The following MUSK variants were observed in gnomAD, a reference collection of about 807,000 sequenced individuals.
MUSK encodes the protein muscle, skeletal receptor tyrosine-protein kinase.
MUSK carries 55 observed loss-of-function variants against 88.7 expected under a neutral mutation model. That is an observed-to-expected ratio of 0.62 (90% CI 0.50 to 0.78). MUSK has a LOEUF of 0.78. Among genes scored for constraint, MUSK ranks in the 30% least tolerant of loss-of-function variants. The pLI, the probability that MUSK is intolerant of heterozygous loss-of-function variation, is 0.00. For missense variants in MUSK, 1,015 were observed against 1,074.3 expected (o/e 0.94, Z 0.77); for synonymous variants, 387 against 391.9 (o/e 0.99, Z 0.15).
intron 5 of MUSK, among the ~76,000 whole-genome samples, chr9:110,713,830 G>T (rs1452711779): frequency 1.3e-5 from 2 of 152,142 alleles, no homozygotes; most frequent in African/African-American, 4.8e-5. Flanking sequence ...TTTAACGCAT[G>T]TCAGAGTGCA....
At chr9:110,679,816 C>CTTG (rs10682592) in intron 1 of MUSK, among the ~76,000 whole-genome samples, 105,755 of 151,660 alleles carry the variant, frequency 0.7, 38,287 homozygotes, top group African/African-American at 0.87. Context: ...TTTCTGTCCT[C>CTTG]TTGTTTATGG....
chr9:110,748,031 G>A (rs1030798480), intron 7 of MUSK: 3 of 673,420 alleles, frequency 4.5e-6, no homozygotes. Context: ...GTAGGTAACA[G>A]CTTCCAGGAA....
intron 6 of MUSK, among the ~76,000 whole-genome samples, chr9:110,746,612 G>A (rs2077177359): frequency 6.6e-6 from 1 of 152,178 alleles, no homozygotes; most frequent in South Asian, 2.1e-4. Context: ...GCTGTTAATT[G>A]TGTGTCAATA....
At chr9:110,785,118 C>A in intron 12 of MUSK, 102 bp downstream of exon 12, 1 of 993,318 alleles carries the variant, frequency 1.0e-6, no homozygotes, top group Non-Finnish European at 1.5e-6. Flanking sequence ...CTGCAACTCT[C>A]TAAATATATC....
intron 2 of MUSK, 150 bp from the exon 3 acceptor site, chr9:110,686,967 G>A (rs2076203873): frequency 3.2e-6 from 2 of 629,962 alleles, no homozygotes; most frequent in East Asian, 5.6e-5. Context: ...ATATTATCAA[G>A]TAAGGTTATT....
At chr9:110,760,668 G>A (rs943260010) in intron 7 of MUSK, among the ~76,000 whole-genome samples, 2 of 151,692 alleles carry the variant, frequency 1.3e-5, no homozygotes, top group African/African-American at 4.8e-5. Context: ...CACCAAACTC[G>A]CAAGTCACAA....
intron 7 of MUSK, among the ~76,000 whole-genome samples, chr9:110,755,967 T>TATATATACATATATATATAC (rs1564268901): frequency 3.6e-4 from 21 of 58,816 alleles, no homozygotes; most frequent in South Asian, 5.4e-4. Flanking sequence ...TATATATACA[T>TATATATACATATATATATAC]ATATATATAT....
At chr9:110,732,269 C>G (rs908321867) in intron 5 of MUSK, among the ~76,000 whole-genome samples, 2 of 151,982 alleles carry the variant, frequency 1.3e-5, no homozygotes, top group Non-Finnish European at 2.9e-5. Context: ...TTAGGAAACA[C>G]AAGCATAGCC....
chr9:110,748,976 C>T (rs1259311760), intron 7 of MUSK, among the ~76,000 whole-genome samples: 1 of 152,068 alleles, frequency 6.6e-6, no homozygotes, highest in Non-Finnish European at 1.5e-5. Context: ...GAAATTATTT[C>T]TCCCAGAAAA....
intron 6 of MUSK, among the ~76,000 whole-genome samples, chr9:110,746,961 G>T (rs2077181287): frequency 6.6e-6 from 1 of 152,184 alleles, no homozygotes; most frequent in Admixed American, 6.5e-5. Context: ...ATACTTAACT[G>T]TCATCTGTAG....
chr9:110,724,563 C>T (rs2076858167), intron 5 of MUSK, among the ~76,000 whole-genome samples: 2 of 152,060 alleles, frequency 1.3e-5, no homozygotes, highest in Non-Finnish European at 2.9e-5. Context: ...AGCCTCCAAT[C>T]CCCCATCTCA....
chr9:110,679,729 T>A (rs1388797325), intron 1 of MUSK, among the ~76,000 whole-genome samples: 1 of 152,084 alleles, frequency 6.6e-6, no homozygotes, highest in East Asian at 1.9e-4. Context: ...TATTTATTTT[T>A]TAGTAGTAAC....
Position 110,687,165 on chromosome 9 carries a change from C to T in MUSK, c.255C>T (p.Thr85=), listed in dbSNP as rs746157382. The change falls in exon 3 of 15, where the codon ACC becomes ACT. Residue 85 remains threonine (T), a synonymous_variant. Coordinates refer to ENST00000374448, the MANE Select transcript of MUSK (RefSeq NM_005592.4). ...TCCGGGAGAATGGGCAGCTCCTCAC[C>T]ATCCTGAGTGTGGAAGACAGTGATG... ...YSIRENGQLL[T]ILSVEDSDDG... 5.6e-6 allele frequency: 9 copies of T among 1,613,612 alleles called. No homozygotes were observed. The highest frequency in any genetic ancestry group is 3.3e-5 in the South Asian group (3 of 91,074).
At chr9:110,690,292 A>C (rs1361847943) in intron 3 of MUSK, among the ~76,000 whole-genome samples, 1 of 106,000 alleles carries the variant, frequency 9.4e-6, no homozygotes, top group Non-Finnish European at 1.7e-5. Context: ...AAATATATAT[A>C]AATATATATT....
chr9:110,702,024 T>A (rs867865114), intron 5 of MUSK, among the ~76,000 whole-genome samples: 55 of 150,808 alleles, frequency 3.6e-4, no homozygotes, highest in Middle Eastern at 6.8e-3. Context: ...ATTATAGGCA[T>A]GAGCTACCAT....
At chr9:110,774,866 T>TAC (rs368896303) in intron 9 of MUSK, among the ~76,000 whole-genome samples, 16,145 of 138,900 alleles carry the variant, frequency 0.12, 885 homozygotes, top group Middle Eastern at 0.17. Flanking sequence ...GGCATATATA[T>TAC]ACACACACAC....
At chr9:110,745,902 C>T (rs1254261246) in intron 6 of MUSK, among the ~76,000 whole-genome samples, 1 of 152,200 alleles carries the variant, frequency 6.6e-6, no homozygotes, top group Non-Finnish European at 1.5e-5. Context: ...TGCATGATTG[C>T]TACACAGTGC....
Position 110,732,312 on chromosome 9 carries a change from A to T in MUSK, c.629-1939A>T, listed in dbSNP as rs147530187. 3.0e-4 allele frequency among the ~76,000 whole-genome samples: 46 copies of T among 152,154 alleles called. No individual in the cohort carries two copies. The East Asian group carries it at 8.4e-3, about 28-fold the overall frequency. ...CTACAAGAGTTATTTTAGCCAGATG[A>T]TGCACATGGACTCTAAGTCTCCATT... On this transcript the variant is annotated intron_variant, in intron 5 of 14. Transcript: ENST00000374448.
chr9:110,699,254 G>C (rs1035401650), intron 5 of MUSK, among the ~76,000 whole-genome samples: 3 of 152,082 alleles, frequency 2.0e-5, no homozygotes, highest in African/African-American at 7.2e-5. Flanking sequence ...ATATATGCTA[G>C]AGATAGTATT....
Sources: allele counts gnomAD v4.1 joint callset (sites outside exome capture counted in the v4.1 genomes callset), GRCh38; gene constraint gnomAD v4.1.1; transcripts MANE v1.5; gene names NCBI Gene and HGNC (gene_info 2026-07-23, HGNC 2026-07-21).